Variants in UBXN2A observed in about 807,000 individuals in gnomAD.
UBXN2A encodes the protein UBX domain protein 2A, also known as UBX domain-containing protein 2A.
In UBXN2A, 28 loss-of-function variants were observed where a neutral mutation model predicts 28.4. The observed-to-expected ratio is 0.99, with a 90% CI of 0.73 to 1.35. The LOEUF is 1.35. UBXN2A is among the 40% of genes most tolerant of loss of function. The probability of loss-of-function intolerance (pLI) is 0.00; values close to 1 mark genes in which losing one functional copy is unlikely to be tolerated. For synonymous variants in UBXN2A, 97 were observed against 103.6 expected, an observed-to-expected ratio of 0.94 and a Z score of 0.39; for missense variants, 253 against 297.9, an observed-to-expected ratio of 0.85 and a Z score of 1.11.
rs1302137161 is a variant in UBXN2A, at chr2:23,961,845, C to CT, written c.41+3500dup. Among the ~76,000 whole-genome samples, 103 of 139,286 alleles carry CT rather than the reference C, an allele frequency of 7.4e-4. No individual in the cohort carries two copies. The East Asian group carries it at 0.012, about 17-fold the overall frequency. 91.4% of individuals were successfully genotyped at this position (139,286 alleles called of 152,430 possible). A position where few individuals can be genotyped will look rare whatever the true frequency, so the allele number is the denominator to read the frequency against. On this transcript the variant is annotated intron_variant, in intron 2 of 6. Transcript: ENST00000309033. ...ACAGGTGTGAACCACCGCACCCGGC[C>CT]TTTTTTTTTTATTTTTTGAGACAGA...
chr2:23,943,118 G>T (rs1253695521), intron 1 of UBXN2A, among the ~76,000 whole-genome samples: 1 of 152,064 alleles, frequency 6.6e-6, no homozygotes, highest in Non-Finnish European at 1.5e-5. Flanking sequence ...ACCATGCCTG[G>T]CTAGTTTTTT....
intron 2 of UBXN2A, among the ~76,000 whole-genome samples, chr2:23,962,605 C>CTTTTTTTTTTTTTTTT (rs1160440950): frequency 7.7e-6 from 1 of 130,680 alleles, no homozygotes; most frequent in Non-Finnish European, 1.6e-5. Flanking sequence ...TTTTTTTATT[C>CTTTTTTTTTTTTTTTT]TTTTTTTTTT....
intron 6 of UBXN2A, among the ~76,000 whole-genome samples, chr2:23,995,344 T>G (rs934512338): frequency 1.5e-4 from 23 of 152,180 alleles, no homozygotes; most frequent in Middle Eastern, 3.4e-3. Flanking sequence ...CATTGGTTGG[T>G]CTTCAGTGCT....
chr2:23,968,703 A>G (rs972821278), intron 2 of UBXN2A, among the ~76,000 whole-genome samples: 2 of 151,420 alleles, frequency 1.3e-5, no homozygotes, highest in Non-Finnish European at 2.9e-5. Flanking sequence ...TATCTAACTT[A>G]TATTTCCTGG....
intron 2 of UBXN2A, among the ~76,000 whole-genome samples, chr2:23,962,090 C>G (rs1291220066): frequency 6.6e-6 from 1 of 152,108 alleles, no homozygotes; most frequent in Non-Finnish European, 1.5e-5. Context: ...GGCAATCTGC[C>G]CACCTCAGCC....
upstream of UBXN2A, among the ~76,000 whole-genome samples, chr2:23,939,335 T>A (rs575026840): frequency 6.6e-6 from 1 of 151,678 alleles, no homozygotes; most frequent in Admixed American, 6.6e-5. Context: ...AGAGTGGGGA[T>A]TGGGGGAGGC....
intron 1 of UBXN2A, among the ~76,000 whole-genome samples, chr2:23,946,709 G>T (rs763370711): frequency 2.0e-5 from 3 of 152,100 alleles, no homozygotes; most frequent in Non-Finnish European, 4.4e-5. Flanking sequence ...ACCTGCCTCA[G>T]CCTCCCAAAG....
At chr2:23,961,504 A>C (rs1020756529) in intron 2 of UBXN2A, among the ~76,000 whole-genome samples, 15 of 151,754 alleles carry the variant, frequency 9.9e-5, no homozygotes, top group Non-Finnish European at 1.9e-4. Context: ...TTTTGTTAAA[A>C]ACAATGGTCC....
intron 1 of UBXN2A, among the ~76,000 whole-genome samples, chr2:23,952,591 C>G (rs1395946344): frequency 6.6e-6 from 1 of 152,158 alleles, no homozygotes; most frequent in Non-Finnish European, 1.5e-5. Flanking sequence ...ATTACAGGTG[C>G]GTGCTACCAC....
chr2:23,991,885 G>A (rs1708368359), intron 6 of UBXN2A, among the ~76,000 whole-genome samples: 1 of 152,044 alleles, frequency 6.6e-6, no homozygotes, highest in African/African-American at 2.4e-5. Context: ...TCTGCCTCCT[G>A]GGTTCAAGCA....
intron 6 of UBXN2A, among the ~76,000 whole-genome samples, chr2:23,987,235 AAAGAAT>A (rs1278652859): frequency 6.6e-6 from 1 of 152,120 alleles, no homozygotes; most frequent in Non-Finnish European, 1.5e-5. Context: ...GAGAGAGTTA[AAAGAAT>A]AAGAATAAAA....
At chr2:23,935,147 CAG>C (rs535316999) in intron 1 of UBXN2A, among the ~76,000 whole-genome samples, 40 of 152,228 alleles carry the variant, frequency 2.6e-4, no homozygotes, top group Middle Eastern at 3.4e-3. Flanking sequence ...TAGAAAAAAA[CAG>C]AGAAATCTTC....
rs1026373196 is a variant in UBXN2A at position 24,001,687 on chromosome 2, C to T, written c.*1820C>T. 6.6e-6 allele frequency: 1 copy of T among 151,962 alleles called. No homozygotes were observed. 9.4% of individuals were successfully genotyped at this position (151,962 alleles called of 1,614,324 possible). ...AAAATATTTATTTATGGGCCAGGCA[C>T]GGTGGCTTACGCCTGTAATCCCAGC... On this transcript the variant is annotated 3_prime_UTR_variant, in exon 7 of 7. Transcript: ENST00000309033.
intron 1 of UBXN2A, among the ~76,000 whole-genome samples, chr2:23,929,907 G>T (rs1705318888): frequency 6.6e-6 from 1 of 151,956 alleles, no homozygotes; most frequent in South Asian, 2.1e-4. Context: ...TTATTTATTT[G>T]AGATGGAGTC....
intron 2 of UBXN2A, among the ~76,000 whole-genome samples, chr2:23,960,041 A>G (rs2150838421): frequency 6.6e-6 from 1 of 152,172 alleles, no homozygotes; most frequent in South Asian, 2.1e-4. Flanking sequence ...TCACGAAGTC[A>G]GGAGATCGAG....
At chr2:23,967,225 A>G (rs1322263826) in intron 2 of UBXN2A, among the ~76,000 whole-genome samples, 1 of 152,180 alleles carries the variant, frequency 6.6e-6, no homozygotes, top group Admixed American at 6.6e-5. Flanking sequence ...TAGATACTCA[A>G]TAAATATTTG....
At chr2:23,933,307 G>C (rs1705430587) in intron 1 of UBXN2A, among the ~76,000 whole-genome samples, 1 of 151,942 alleles carries the variant, frequency 6.6e-6, no homozygotes, top group Non-Finnish European at 1.5e-5. Context: ...AGGAGTTCGA[G>C]ACCAGCCTGA....
chr2:23,993,795 C>G (rs759616403), intron 6 of UBXN2A, among the ~76,000 whole-genome samples: 2 of 151,518 alleles, frequency 1.3e-5, no homozygotes, highest in Admixed American at 6.6e-5. Context: ...TCAAGCAATT[C>G]TCCTGTCTCA....
intron 3 of UBXN2A, among the ~76,000 whole-genome samples, chr2:23,976,361 C>T (rs1396985261): frequency 1.3e-5 from 2 of 152,164 alleles, no homozygotes; most frequent in Non-Finnish European, 2.9e-5. Flanking sequence ...CTCCTGATTA[C>T]TCAATTCTGT....
Sources: gnomAD v4.1 joint callset for allele counts (sites outside exome capture counted in the v4.1 genomes callset) on GRCh38, gnomAD v4.1.1 for gene constraint, MANE v1.5 for transcripts, NCBI Gene and HGNC (gene_info 2026-07-23, HGNC 2026-07-21) for gene names.